The following CDH12 variants were observed in gnomAD, a reference collection of about 807,000 sequenced individuals.
CDH12 encodes the protein cadherin-12.
Under a neutral mutation model 74.1 loss-of-function variants are expected in CDH12, and 41 were observed. The ratio of observed to expected loss-of-function variants is 0.55; its 90% confidence interval spans 0.43 to 0.72. The LOEUF (loss-of-function observed/expected upper bound fraction) is 0.72. Ranked by LOEUF, CDH12 falls within the 30% of genes least tolerant of loss-of-function variation. The pLI is 0.00. For synonymous variants in CDH12, 399 were observed against 355.0 expected, an observed-to-expected ratio of 1.12 and a Z score of -1.39; for missense variants, 945 against 977.2, an observed-to-expected ratio of 0.97 and a Z score of 0.44.
At chr5:22,530,806 T>C (rs936359049) in intron 1 of CDH12, among the ~76,000 whole-genome samples, 9 of 152,122 alleles carry the variant, frequency 5.9e-5, no homozygotes, top group Non-Finnish European at 1.0e-4. Flanking sequence ...ATATTTATTA[T>C]TATTAACAAA....
chr5:22,176,013 T>C (rs2150333134), intron 4 of CDH12, among the ~76,000 whole-genome samples: 1 of 152,350 alleles, frequency 6.6e-6, no homozygotes, highest in East Asian at 1.9e-4. Context: ...GAACCCTTTC[T>C]GTGCTGAATC....
At chr5:21,784,555 A>T (rs943500987) in intron 10 of CDH12, among the ~76,000 whole-genome samples, 2 of 152,186 alleles carry the variant, frequency 1.3e-5, no homozygotes, top group African/African-American at 4.8e-5. Flanking sequence ...AATTTTAAAT[A>T]TAACATTTTA....
chr5:22,188,411 A>G (rs1580376355), intron 4 of CDH12, among the ~76,000 whole-genome samples: 2 of 152,008 alleles, frequency 1.3e-5, no homozygotes, highest in East Asian at 3.9e-4. Context: ...ATTAATCTCT[A>G]TTCTTTACTA....
At chr5:22,131,209 A>T (rs1474909676) in intron 4 of CDH12, among the ~76,000 whole-genome samples, 4 of 152,090 alleles carry the variant, frequency 2.6e-5, no homozygotes, top group African/African-American at 9.7e-5. Context: ...TAAACATTTT[A>T]AAAATCACTA....
At chr5:22,166,936 G>T (rs990248473) in intron 4 of CDH12, among the ~76,000 whole-genome samples, 10 of 152,202 alleles carry the variant, frequency 6.6e-5, no homozygotes, top group Non-Finnish European at 1.3e-4. Flanking sequence ...GTAATACTCT[G>T]TAAATATCTG....
intron 1 of CDH12, among the ~76,000 whole-genome samples, chr5:22,725,986 C>A (rs571360242): frequency 6.6e-6 from 1 of 151,768 alleles, no homozygotes; most frequent in South Asian, 2.1e-4. Flanking sequence ...AGTTTTCTGT[C>A]CCCACTATCA....
intron 1 of CDH12, among the ~76,000 whole-genome samples, chr5:22,810,931 A>G (rs1330799530): frequency 2.0e-5 from 3 of 150,150 alleles, no homozygotes; most frequent in Admixed American, 6.6e-5. Context: ...GTGTGTGTGT[A>G]TACACATATA....
chr5:22,535,538 A>G (rs1038075174), intron 1 of CDH12, among the ~76,000 whole-genome samples: 1 of 152,202 alleles, frequency 6.6e-6, no homozygotes, highest in African/African-American at 2.4e-5. Flanking sequence ...TTATCAGTAG[A>G]TTCAAAGCAT....
At chr5:21,901,293 G>A (rs1302490392) in intron 6 of CDH12, among the ~76,000 whole-genome samples, 2 of 152,004 alleles carry the variant, frequency 1.3e-5, no homozygotes, top group Non-Finnish European at 2.9e-5. Context: ...CCAATCCTGA[G>A]AGTGAACAAA....
intron 1 of CDH12, among the ~76,000 whole-genome samples, chr5:22,532,722 G>A (rs930922013): frequency 2.6e-5 from 4 of 151,596 alleles, no homozygotes; most frequent in African/African-American, 9.7e-5. Context: ...ATGGCATGGC[G>A]AAAACCTGAA....
At chr5:21,827,804 C>A (rs1579780742) in intron 8 of CDH12, among the ~76,000 whole-genome samples, 1 of 152,206 alleles carries the variant, frequency 6.6e-6, no homozygotes, top group Non-Finnish European at 1.5e-5. Flanking sequence ...AATCACTATT[C>A]TTGTTACACA....
rs1216323728 is a variant in CDH12 at position 22,698,721 on chromosome 5, ATATATATATATATAGT to A, written c.-523+154321_-523+154336del. Among the ~76,000 whole-genome samples the A allele has an allele frequency of 1.9e-3, 35 of 18,896 alleles. 1 individual carries two copies. The highest frequency in any genetic ancestry group is 5.0e-3 in the African/African-American group (19 of 3,804). 12.4% of individuals were successfully genotyped at this position (18,896 alleles called of 152,430 possible). On this transcript the variant is annotated intron_variant, in intron 1 of 14. Coordinates refer to ENST00000382254, the MANE Select transcript of CDH12 (RefSeq NM_004061.5). ...TATATATATATATATATATATATAT[ATATATATATATATAGT>A]GTGTGTGTGTGTGTGTGTGTGTGTG...
chr5:22,494,332 T>C (rs1204992271), intron 2 of CDH12, among the ~76,000 whole-genome samples: 2 of 152,170 alleles, frequency 1.3e-5, no homozygotes, highest in Non-Finnish European at 2.9e-5. Context: ...TGGGTGTGGA[T>C]GTGGGTGTGA....
intron 1 of CDH12, among the ~76,000 whole-genome samples, chr5:22,672,447 C>T (rs1025229367): frequency 2.2e-4 from 33 of 151,712 alleles, no homozygotes; most frequent in African/African-American, 7.5e-4. Flanking sequence ...GGGATTAATG[C>T]CATTATGGGG....
At chr5:22,593,688 T>A (rs540322498) in intron 1 of CDH12, among the ~76,000 whole-genome samples, 45 of 152,322 alleles carry the variant, frequency 3.0e-4, no homozygotes, top group Non-Finnish European at 5.0e-4. Flanking sequence ...AAAAGAATAG[T>A]AAATACCAGT....
intron 5 of CDH12, among the ~76,000 whole-genome samples, chr5:22,003,473 A>G (rs538270278): frequency 2.0e-4 from 31 of 152,366 alleles, no homozygotes; most frequent in Non-Finnish European, 3.8e-4. Flanking sequence ...AGATTCTATC[A>G]TATGAAGAAA....
chr5:21,937,563 A>T (rs1242880587), intron 6 of CDH12, among the ~76,000 whole-genome samples: 1 of 152,220 alleles, frequency 6.6e-6, no homozygotes, highest in Non-Finnish European at 1.5e-5. Flanking sequence ...CACAAAAATG[A>T]TGTCTAAAAT....
At chr5:21,847,761 A>C (rs1228912464) in intron 7 of CDH12, among the ~76,000 whole-genome samples, 1 of 152,118 alleles carries the variant, frequency 6.6e-6, no homozygotes, top group African/African-American at 2.4e-5. Flanking sequence ...ATACTTGGGC[A>C]ATCACTGTTC....
chr5:21,881,252 G>A (rs6874484), intron 6 of CDH12, among the ~76,000 whole-genome samples: 145,419 of 152,318 alleles, frequency 0.95, 69,806 homozygotes, highest in Non-Finnish European at 1. Context: ...TAAAACAGGA[G>A]AGGAACTTAA....
Sources: allele counts gnomAD v4.1 joint callset (sites outside exome capture counted in the v4.1 genomes callset), GRCh38; gene constraint gnomAD v4.1.1; transcripts MANE v1.5; gene names NCBI Gene and HGNC (gene_info 2026-07-23, HGNC 2026-07-21).